The following TAS1R1 variants were observed in gnomAD, a reference collection of about 807,000 sequenced individuals.
The protein encoded by TAS1R1 is taste receptor type 1 member 1.
In TAS1R1, 31 loss-of-function variants were observed where a neutral mutation model predicts 45.8. The ratio of observed to expected loss-of-function variants is 0.68; its 90% CI spans 0.51 to 0.91. The LOEUF (loss-of-function observed/expected upper bound fraction) is 0.91, where lower values mean the gene tolerates loss of function less well. Ranked by LOEUF, TAS1R1 falls within the 40% of genes least tolerant of loss-of-function variation. The pLI is 0.00. For synonymous variants in TAS1R1, 437 were observed against 448.4 expected (o/e 0.97, Z 0.32); for missense variants, 1,051 against 1,063.9 (o/e 0.99, Z 0.17).
chr1:6,562,026 G>T (rs1639798805), intron 1 of TAS1R1, among the ~76,000 whole-genome samples: 2 of 152,224 alleles, frequency 1.3e-5, no homozygotes, highest in African/African-American at 4.8e-5. Flanking sequence ...GGATGTGGGG[G>T]TTGAAAGGAA....
chr1:6,570,792 G>A, intron 1 of TAS1R1, 117 bp from the exon 2 acceptor site: 4 of 868,024 alleles, frequency 4.6e-6, no homozygotes, highest in Non-Finnish European at 7.1e-6. Context: ...TGGTTTGGGG[G>A]ACTGGACCGA....
At chr1:6,561,898 GAA>G (rs1179311366) in intron 1 of TAS1R1, among the ~76,000 whole-genome samples, 15 of 152,094 alleles carry the variant, frequency 9.9e-5, no homozygotes, top group Non-Finnish European at 4.4e-5. Context: ...GAAGGAATAA[GAA>G]AAGACAAAAG....
rs201942659 is a variant in TAS1R1, at chr1:6,575,054, C to A, written c.922C>A (p.His308Asn). Reference sequence around the variant, plus strand: ...CTCAGAAGCCTGGGCCCTCTCCAGGCACATCACTGGGGTGCCCGGGATCCA... The same window carrying A: ...CTCAGAAGCCTGGGCCCTCTCCAGGAACATCACTGGGGTGCCCGGGATCCA... ...VASEAWALSR[H>N]ITGVPGIQRI... The change falls in exon 3 of 6, where the codon CAC (histidine) becomes AAC (asparagine). Residue 308 changes from histidine (H) to asparagine (N), a missense_variant. His to Asn is a moderately conservative substitution (Grantham distance 68, BLOSUM62 1). Coordinates refer to ENST00000333172, the MANE Select transcript of TAS1R1 (RefSeq NM_138697.4). 4 of 1,587,810 alleles carry A rather than the reference C, an allele frequency of 2.5e-6. No homozygotes were observed. Among genetic ancestry groups the A allele is most frequent in the South Asian group, 1.2e-5 (1 of 86,572 alleles).
chr1:6,556,161 G>A (rs766908801), intron 1 of TAS1R1, among the ~76,000 whole-genome samples: 4 of 151,946 alleles, frequency 2.6e-5, no homozygotes, highest in Non-Finnish European at 4.4e-5. Context: ...GTGAGCCACC[G>A]CGCCCAGCCG....
intron 5 of TAS1R1, 111 bp from the exon 6 acceptor site, chr1:6,578,542 A>G (rs746759774): frequency 9.4e-6 from 14 of 1,493,574 alleles, no homozygotes; most frequent in Non-Finnish European, 1.2e-5. Flanking sequence ...CACTATGCCT[A>G]GTATAGTCTA....
chr1:6,561,724 A>AG (rs987795367), intron 1 of TAS1R1, among the ~76,000 whole-genome samples: 1 of 151,738 alleles, frequency 6.6e-6, no homozygotes, highest in African/African-American at 2.4e-5. Context: ...CAAAAAAAAA[A>AG]AAAAAGTCTA....
chr1:6,559,852 T>A (rs950402078), intron 1 of TAS1R1, among the ~76,000 whole-genome samples: 1 of 150,824 alleles, frequency 6.6e-6, no homozygotes, highest in Non-Finnish European at 1.5e-5. Context: ...GAGCTGGACG[T>A]GTGGGTGCAC....
intron 5 of TAS1R1, 94 bp from the exon 6 acceptor site, chr1:6,578,559 C>T (rs562454201): frequency 9.2e-5 from 139 of 1,506,772 alleles, no homozygotes; most frequent in Non-Finnish European, 1.2e-4. Context: ...TCTAGCTGCC[C>T]TGGTACAATT....
intron 1 of TAS1R1, among the ~76,000 whole-genome samples, chr1:6,565,997 A>G (rs1639866454): frequency 6.6e-6 from 1 of 151,996 alleles, no homozygotes; most frequent in Admixed American, 6.6e-5. Context: ...GTTGGGGTGG[A>G]GAGTTGTGCT....
At chr1:6,562,421 G>T (rs747625524) in intron 1 of TAS1R1, among the ~76,000 whole-genome samples, 1 of 152,142 alleles carries the variant, frequency 6.6e-6, no homozygotes, top group Non-Finnish European at 1.5e-5. Flanking sequence ...ACTCGCCTCG[G>T]CCTCCCAAAG....
In TAS1R1 at chr1:6,579,197, C is replaced by T; in HGVS notation, c.2139C>T (p.Pro713=). Residue 713 remains proline, a synonymous_variant, in exon 6 of 6, where the codon CCC becomes CCT. Transcript: ENST00000333172. The stretch of plus-strand genomic sequence containing the variant: ...CTGCTAGGGAATACCAGCGCTTCCC[C>T]CATCTGGTGATGCTTGAGTGCACAG... ...PLPAREYQRF[P]HLVMLECTET... is the part of the protein sequence containing the mutation. 1 of 1,614,210 alleles carries T rather than the reference C, an allele frequency of 6.2e-7. No homozygotes were observed. Among genetic ancestry groups the T allele is most frequent in the Non-Finnish European group, 8.5e-7 (1 of 1,180,050 alleles).
rs958693972 is a variant in TAS1R1, at chr1:6,575,322, C to T, written c.1190C>T (p.Ala397Val). Residue 397 changes from alanine to valine, a missense_variant, in exon 3 of 6, where the codon GCC becomes GTC. By Grantham distance (64) the Ala-to-Val change is moderately conservative (BLOSUM62 0). Coordinates refer to ENST00000333172, the MANE Select transcript of TAS1R1 (RefSeq NM_138697.4). Reference sequence around the variant, plus strand: ...GCATACCGGGCTGTGTATGCGGTGGCCCATGGCCTCCACCAGCTCCTGGGC... The same window carrying T: ...GCATACCGGGCTGTGTATGCGGTGGTCCATGGCCTCCACCAGCTCCTGGGC... Reference protein sequence around the residue: ...YNAYRAVYAVAHGLHQLLGCA... With the variant: ...YNAYRAVYAVVHGLHQLLGCA... 3.1e-6 allele frequency: 5 copies of T among 1,611,214 alleles called. No homozygotes were observed. The African/African-American group carries it at 6.7e-5, about 22-fold the overall frequency.
intron 5 of TAS1R1, among the ~76,000 whole-genome samples, chr1:6,578,380 C>T (rs1640245735): frequency 6.6e-6 from 1 of 152,160 alleles, no homozygotes; most frequent in Admixed American, 6.5e-5. Context: ...GTGGGCAGAG[C>T]TACCAGGTTA....
At chr1:6,569,850 C>T (rs1639964535) in intron 1 of TAS1R1, among the ~76,000 whole-genome samples, 1 of 152,096 alleles carries the variant, frequency 6.6e-6, no homozygotes, top group Admixed American at 6.5e-5. Flanking sequence ...GTCTCTTTTA[C>T]TCACCCTCGC....
chr1:6,560,986 C>A (rs1452534819), intron 1 of TAS1R1, among the ~76,000 whole-genome samples: 571 of 92,938 alleles, frequency 6.1e-3, no homozygotes, highest in East Asian at 9.1e-3. Flanking sequence ...GACTCTGTCT[C>A]AAAAAAAAAA....
chr1:6,576,382 C>A, intron 3 of TAS1R1, 33 bp from the exon 4 acceptor site: 1 of 1,609,960 alleles, frequency 6.2e-7, no homozygotes, highest in Non-Finnish European at 8.5e-7. Flanking sequence ...TCTGTGCTGT[C>A]TGTGGTGGCT....
chr1:6,570,541 C>G (rs998268297), intron 1 of TAS1R1, among the ~76,000 whole-genome samples: 1 of 151,756 alleles, frequency 6.6e-6, no homozygotes, highest in African/African-American at 2.4e-5. Flanking sequence ...ATAGTAACAT[C>G]AATTCTTTAT....
At chr1:6,577,791 G>A (rs1570138226) in intron 5 of TAS1R1, among the ~76,000 whole-genome samples, 1 of 152,192 alleles carries the variant, frequency 6.6e-6, no homozygotes, top group East Asian at 1.9e-4. Flanking sequence ...TTGCACCATT[G>A]CACTCCAGCC....
chr1:6,575,308 T>C lies in TAS1R1; in HGVS notation c.1176T>C (p.Ala392=). Reference sequence around the variant, plus strand: ...GTTCTGCCTACAACGCATACCGGGCTGTGTATGCGGTGGCCCATGGCCTCC... The same window carrying C: ...GTTCTGCCTACAACGCATACCGGGCCGTGTATGCGGTGGCCCATGGCCTCC... ...SMSSAYNAYR[A]VYAVAHGLHQ... Residue 392 remains alanine, a synonymous_variant, in exon 3 of 6, where the codon GCT becomes GCC. Transcript: ENST00000333172. 1 of 1,612,802 alleles carries C rather than the reference T, an allele frequency of 6.2e-7. No individual in the cohort carries two copies. Among genetic ancestry groups the C allele is most frequent in the Non-Finnish European group, 8.5e-7 (1 of 1,179,898 alleles).
Sources: gnomAD v4.1 joint callset for allele counts (sites outside exome capture counted in the v4.1 genomes callset) on GRCh38, gnomAD v4.1.1 for gene constraint, MANE v1.5 for transcripts, NCBI Gene and HGNC (gene_info 2026-07-23, HGNC 2026-07-21) for gene names.